The following UROS variants were observed in gnomAD, a reference collection of about 807,000 sequenced individuals.
The protein encoded by UROS is uroporphyrinogen III synthase.
In UROS, 18 loss-of-function variants were observed where a neutral mutation model predicts 33.0. The observed-to-expected ratio is 0.55, with a 90% CI of 0.38 to 0.81. The LOEUF (loss-of-function observed/expected upper bound fraction) is 0.81, where lower values mean the gene tolerates loss of function less well. Among genes scored for constraint, UROS ranks in the 30% least tolerant of loss-of-function variants. UROS has a pLI of 0.00. For missense variants in UROS, 293 were observed against 314.9 expected, an observed-to-expected ratio of 0.93 and a Z score of 0.53; for synonymous variants, 114 against 121.1, an observed-to-expected ratio of 0.94 and a Z score of 0.38.
At chr10:125,817,224 ATTTTT>A (rs11431196) in intron 1 of UROS, among the ~76,000 whole-genome samples, 1,001 of 74,058 alleles carry the variant, frequency 0.014, 11 homozygotes, top group African/African-American at 0.046. Flanking sequence ...TTATAGATGT[ATTTTT>A]TTTTTTTTTT....
chr10:125,795,055 T>A, intron 8 of UROS, 77 bp from the exon 9 acceptor site: 1 of 1,396,826 alleles, frequency 7.2e-7, no homozygotes, highest in Admixed American at 1.7e-5. Context: ...TTCATCCGCA[T>A]CAAGACCTCA....
At chr10:125,800,749 T>A (rs549254823) in intron 6 of UROS, among the ~76,000 whole-genome samples, 1 of 151,920 alleles carries the variant, frequency 6.6e-6, no homozygotes, top group African/African-American at 2.4e-5. Flanking sequence ...TTAGTAGAGA[T>A]GGGGTTTCAC....
intron 6 of UROS, among the ~76,000 whole-genome samples, chr10:125,800,003 C>T (rs796067515): frequency 6.6e-5 from 10 of 152,296 alleles, no homozygotes; most frequent in African/African-American, 2.4e-4. Flanking sequence ...GCTCTGCTCT[C>T]CGTTCGTTTA....
downstream of UROS, chr10:125,788,488 T>C (rs1850697837): frequency 2.8e-6 from 3 of 1,060,994 alleles, no homozygotes; most frequent in Non-Finnish European, 3.5e-6. Flanking sequence ...TTCTGATTCA[T>C]AGCAGGTTTG....
At position 125,788,769 on chromosome 10, in the gene UROS, T is replaced by C. The variant is rs886046814; in HGVS notation, c.*99A>G. 6.2e-5 allele frequency: 92 copies of C among 1,481,164 alleles called. No individual in the cohort carries two copies. The East Asian group carries it at 1.9e-3, about 31-fold the overall frequency. 91.8% of individuals were successfully genotyped at this position (1,481,164 alleles called of 1,614,324 possible). A position where few individuals can be genotyped will look rare whatever the true frequency, so the allele number is the denominator to read the frequency against. On this transcript the variant is annotated 3_prime_UTR_variant, in exon 10 of 10. Transcript: ENST00000368797. Reference sequence around the variant, plus strand: ...TCCACTCAGGCTTGAGGCAGGAGTCTGACGGCAGCAGCTCCCGAGAGCCCT... The same window carrying C: ...TCCACTCAGGCTTGAGGCAGGAGTCCGACGGCAGCAGCTCCCGAGAGCCCT...
intron 9 of UROS, among the ~76,000 whole-genome samples, chr10:125,789,851 A>G (rs1850793166): frequency 6.6e-6 from 1 of 152,166 alleles, no homozygotes; most frequent in African/African-American, 2.4e-5. Flanking sequence ...CTCACCTATA[A>G]AAGGGGCACA....
chr10:125,795,453 G>T (rs909006579), intron 8 of UROS, among the ~76,000 whole-genome samples: 1 of 152,214 alleles, frequency 6.6e-6, no homozygotes, highest in Admixed American at 6.5e-5. Context: ...TCAGAAGCTT[G>T]CCCTGGGAGA....
chr10:125,789,788 G>A (rs961686939), intron 9 of UROS, among the ~76,000 whole-genome samples: 9 of 152,164 alleles, frequency 5.9e-5, no homozygotes, highest in Admixed American at 3.3e-4. Flanking sequence ...CTTCTGTCCC[G>A]GCTCTGCCCC....
intron 5 of UROS, among the ~76,000 whole-genome samples, chr10:125,808,450 G>A (rs1364075631): frequency 1.3e-5 from 2 of 152,212 alleles, no homozygotes. Context: ...TGGCAACCGA[G>A]GCTGGACCTC....
chr10:125,794,787 T>C (rs989784225), intron 9 of UROS, 93 bp downstream of exon 9: 3 of 1,237,058 alleles, frequency 2.4e-6, no homozygotes, highest in Admixed American at 4.2e-5. Flanking sequence ...GCCAGGGGTG[T>C]CTCACTTGAC....
chr10:125,789,183 A>C, intron 9 of UROS, 178 bp from the exon 10 acceptor site: 1 of 1,420,180 alleles, frequency 7.0e-7, no homozygotes. Context: ...AGCGTGCAAA[A>C]TACCTCTGCA....
At chr10:125,818,182 C>T (rs1853522762) in intron 1 of UROS, among the ~76,000 whole-genome samples, 1 of 152,136 alleles carries the variant, frequency 6.6e-6, no homozygotes, top group African/African-American at 2.4e-5. Flanking sequence ...ACACTGAAAG[C>T]ATTTCTAATA....
chr10:125,802,970 A>G, intron 6 of UROS: 1 of 1,612,898 alleles, frequency 6.2e-7, no homozygotes, highest in Non-Finnish European at 8.5e-7. Flanking sequence ...CATCAGCATA[A>G]GGGCACGTCC....
At chr10:125,816,964 AATG>A (rs1853383113) in intron 1 of UROS, among the ~76,000 whole-genome samples, 1 of 152,238 alleles carries the variant, frequency 6.6e-6, no homozygotes, top group Non-Finnish European at 1.5e-5. Flanking sequence ...CTACTTATTA[AATG>A]ATGTTTTCTA....
At chr10:125,786,341 G>C (rs564632614), downstream of UROS, among the ~76,000 whole-genome samples, 2 of 149,452 alleles carry the variant, frequency 1.3e-5, no homozygotes, top group African/African-American at 2.5e-5. Context: ...GCAGTGGCAC[G>C]ATCTCAGCTC....
At chr10:125,793,510 T>C (rs1424990227) in intron 9 of UROS, 1 of 152,284 alleles carries the variant, frequency 6.6e-6, no homozygotes, top group African/African-American at 2.4e-5. Context: ...AAGCACTTTA[T>C]GGGTCCTATC....
chr10:125,813,508 T>C (rs764800630), intron 4 of UROS, among the ~76,000 whole-genome samples: 1 of 151,920 alleles, frequency 6.6e-6, no homozygotes, highest in East Asian at 1.9e-4. Context: ...TGGGAAAGAG[T>C]ACACATGCTT....
At chr10:125,789,224 C>A in intron 9 of UROS, 1 of 1,435,902 alleles carries the variant, frequency 7.0e-7, no homozygotes, top group South Asian at 1.4e-5. Flanking sequence ...CCACCCTGAG[C>A]GACTGTCGCC....
chr10:125,786,717 A>C (rs765951135), downstream of UROS, among the ~76,000 whole-genome samples: 42 of 152,298 alleles, frequency 2.8e-4, no homozygotes, highest in Non-Finnish European at 1.0e-4. Context: ...TAGAATGATT[A>C]ACATAATTAT....
Sources: allele counts gnomAD v4.1 joint callset (sites outside exome capture counted in the v4.1 genomes callset), GRCh38; gene constraint gnomAD v4.1.1; transcripts MANE v1.5; gene names NCBI Gene and HGNC (gene_info 2026-07-23, HGNC 2026-07-21).